ATXN7L2: variants seen among roughly 807,000 people sequenced by gnomAD.
The protein encoded by ATXN7L2 is ataxin 7 like 2, also known as ataxin-7-like protein 2.
In ATXN7L2, 17 loss-of-function variants were observed where a neutral mutation model predicts 59.6. That is an observed-to-expected ratio of 0.29 (90% CI 0.20 to 0.43). The LOEUF is 0.43. Ranked by LOEUF, ATXN7L2 falls within the 20% of genes least tolerant of loss-of-function variation. ATXN7L2 has a pLI of 1.00. For missense variants in ATXN7L2, 858 were observed against 1,008.9 expected, an observed-to-expected ratio of 0.85 and a Z score of 2.03; for synonymous variants, 378 against 392.5, an observed-to-expected ratio of 0.96 and a Z score of 0.44.
At chr1:109,492,744 C>A (rs192922168), downstream of ATXN7L2, 141 of 924,110 alleles carry the variant, frequency 1.5e-4, no homozygotes, top group Middle Eastern at 2.8e-3. Flanking sequence ...AGACTGTCTC[C>A]CTGTTCTGTT....
In ATXN7L2 at chr1:109,491,175, G is replaced by A; in HGVS notation, c.1708G>A (p.Ala570Thr). 6.2e-7 allele frequency: 1 copy of A among 1,613,848 alleles called. No individual in the cohort carries two copies. The highest frequency in any genetic ancestry group is 8.5e-7 in the Non-Finnish European group (1 of 1,179,978). ...CCAGGCTATCACCTCACCACTGCCT[G>A]CCAACACGCCATCCCCGTCCTTCAG... ...GSQAITSPLP[A>T]NTPSPSFSKL... Residue 570 changes from alanine (A) to threonine (T), a missense_variant, in exon 10 of 11, where the codon GCC becomes ACC. This residue lies in a region of ATXN7L2 where 734 missense variants were observed against 862.3 expected (regional missense o/e 0.85). Coordinates refer to ENST00000683729, the MANE Select transcript of ATXN7L2 (RefSeq NM_001350175.2). This position sits in a 1 kb window ranked among gnomAD's most constrained non-coding sequence, Gnocchi z 4.1.
At position 109,492,576 on chromosome 1, in the gene ATXN7L2, C is replaced by A; in HGVS notation, c.2251-10C>A. ...CCTGACCCTTTCTCTCGCCTCTTGT[C>A]TTCCTGCAGTCAAAAGCCCATTAAC... On this transcript the variant is annotated splice_polypyrimidine_tract_variant and intron_variant, in intron 10 of 10. Coordinates refer to ENST00000683729, the MANE Select transcript of ATXN7L2 (RefSeq NM_001350175.2). 9 of 1,613,936 alleles carry A rather than the reference C, an allele frequency of 5.6e-6. No individual in the cohort carries two copies. The highest frequency in any genetic ancestry group is 6.8e-6 in the Non-Finnish European group (8 of 1,179,972).
chr1:109,489,219 TG>T (rs1289884250), intron 7 of ATXN7L2, 119 bp downstream of exon 7: 3 of 1,348,050 alleles, frequency 2.2e-6, no homozygotes, highest in Non-Finnish European at 3.0e-6. Flanking sequence ...GCCCTGAGTG[TG>T]GGGGTATTCC....
Position 109,492,169 on chromosome 1 carries a change from C to T in ATXN7L2, c.2251-417C>T, listed in dbSNP as rs567702279. 23 of 989,274 alleles carry T rather than the reference C, an allele frequency of 2.3e-5. No individual in the cohort carries two copies. In the African/African-American group the frequency reaches 2.4e-4, roughly 10 times the overall value. 61.3% of individuals were successfully genotyped at this position (989,274 alleles called of 1,614,324 possible). Reference sequence around the variant, plus strand: ...AGGGCCTTGAAGGGCAGGCACACAACCCCATGTCCACTTATGCACATGTGC... The same window carrying T: ...AGGGCCTTGAAGGGCAGGCACACAATCCCATGTCCACTTATGCACATGTGC... On this transcript the variant is annotated intron_variant, in intron 10 of 10. Transcript: ENST00000683729.
At chr1:109,485,291 AGCT>A (rs1040071689) in intron 1 of ATXN7L2, 23 of 984,968 alleles carry the variant, frequency 2.3e-5, no homozygotes, top group Non-Finnish European at 2.8e-5. Flanking sequence ...ATGGGGAAAA[AGCT>A]GCTTTGCACA....
chr1:109,491,514 G>T lies in ATXN7L2; in HGVS notation c.2047G>T (p.Ala683Ser), dbSNP rs746106337. The T allele has an allele frequency of 3.1e-6, 5 of 1,613,972 alleles. No individual in the cohort carries two copies. The East Asian group carries it at 1.1e-4, about 36-fold the overall frequency. The change falls in exon 10 of 11, where the codon GCT becomes TCT. Residue 683 changes from alanine to serine, a missense_variant. Physicochemically the swap from Ala to Ser is moderately conservative, Grantham distance 99. This residue lies in a region of ATXN7L2 where 734 missense variants were observed against 862.3 expected (regional missense o/e 0.85). Transcript: ENST00000683729. The surrounding 1 kb of genome is among the most constrained non-coding windows in gnomAD (Gnocchi z 4.1). ...TTCTCAGCTGGAGAACCGGGGAGCA[G>T]CTGGACACCCAGCCAAGGCCCTGCC... ...KASQLENRGA[A>S]GHPAKALPTN...
Position 109,489,983 on chromosome 1 carries a change from A to G in ATXN7L2, c.1187A>G (p.Asp396Gly). Residue 396 changes from aspartate (D) to glycine (G), a missense_variant, in exon 8 of 11, where the codon GAT becomes GGT. By Grantham distance (94) the Asp-to-Gly change is moderately conservative. Coordinates refer to ENST00000683729, the MANE Select transcript of ATXN7L2 (RefSeq NM_001350175.2). ...GATGATGAAGGCCCCTGTGGTGGTGATGGGGACCCAGGCCTGTTCCCCTTC... is the reference window on the plus strand; with the variant it reads ...GATGATGAAGGCCCCTGTGGTGGTGGTGGGGACCCAGGCCTGTTCCCCTTC... ...ELDDEGPCGG[D>G]GDPGLFPFPM... 1 of 1,613,426 alleles carries G rather than the reference A, an allele frequency of 6.2e-7. No homozygotes were observed. Among genetic ancestry groups the G allele is most frequent in the African/African-American group, 1.3e-5 (1 of 74,846 alleles).
At chr1:109,487,365 G>A (rs1033301264) in intron 4 of ATXN7L2, 148 bp downstream of exon 4, 7 of 1,156,220 alleles carry the variant, frequency 6.1e-6, no homozygotes, top group South Asian at 1.8e-5. Context: ...TATATTCCAG[G>A]GAAGATGGGG....
intron 1 of ATXN7L2, chr1:109,485,505 C>T (rs1656519118): frequency 2.0e-6 from 2 of 985,354 alleles, no homozygotes; most frequent in Non-Finnish European, 2.4e-6. Context: ...TTTGACAATG[C>T]TATGGTAACC....
Position 109,487,502 on chromosome 1 carries a change from CT to C in ATXN7L2, c.510-15del, listed in dbSNP as rs1557869235. On this transcript the variant is annotated splice_polypyrimidine_tract_variant and intron_variant, in intron 4 of 10. Transcript: ENST00000683729. Reference sequence around the variant, plus strand: ...CCCCTCCCCTCCCTCAGCCAACCCCCTCTCTCTGTGTGTAGCCTTTTCGTGC... The same window carrying C: ...CCCCTCCCCTCCCTCAGCCAACCCCCCTCTCTGTGTGTAGCCTTTTCGTGC... 6.1e-6 allele frequency: 9 copies of C among 1,485,700 alleles called. No homozygotes were observed. In the East Asian group the frequency reaches 2.2e-4, roughly 36 times the overall value. 92.0% of individuals were successfully genotyped at this position (1,485,700 alleles called of 1,614,324 possible).
In ATXN7L2 at chr1:109,488,330, C is replaced by T; in HGVS notation, c.797-53C>T. The T allele has an allele frequency of 6.6e-7, 1 of 1,524,544 alleles. No individual in the cohort carries two copies. The highest frequency in any genetic ancestry group is 8.9e-7 in the Non-Finnish European group (1 of 1,117,822). The allele number at this position is 1,524,544 out of a possible 1,614,324, so 94.4% of individuals were successfully genotyped here. A position where few individuals can be genotyped will look rare whatever the true frequency, so the allele number is the denominator to read the frequency against. ...CTTGGCAGGAAGCGGCCAAATCCTC[C>T]TGTAAACTCCTGGAAATGGTCTTGA... On this transcript the variant is annotated intron_variant, in intron 5 of 10. Coordinates refer to ENST00000683729, the MANE Select transcript of ATXN7L2 (RefSeq NM_001350175.2). This position sits in a 1 kb window ranked among gnomAD's most constrained non-coding sequence, Gnocchi z 5.0.
At chr1:109,492,784 T>C (rs1414398372), downstream of ATXN7L2, 16 of 735,812 alleles carry the variant, frequency 2.2e-5, no homozygotes, top group Non-Finnish European at 3.2e-5. Context: ...AACAGAAACA[T>C]AGAAAAGGAA....
chr1:109,484,149 C>A, intron 1 of ATXN7L2, 69 bp downstream of exon 1: 1 of 1,298,446 alleles, frequency 7.7e-7, no homozygotes, highest in Non-Finnish European at 9.9e-7. Context: ...GGGCCCCCGC[C>A]AGCTGAGGGG....
intron 5 of ATXN7L2, among the ~76,000 whole-genome samples, 188 bp downstream of exon 5, chr1:109,487,992 T>G (rs1197265027): frequency 6.6e-6 from 1 of 152,180 alleles, no homozygotes; most frequent in East Asian, 1.9e-4. Context: ...CTGTGTCTCC[T>G]GATCAAGGCT....
At chr1:109,490,454 T>A in intron 9 of ATXN7L2, 62 bp downstream of exon 9, 1 of 1,581,846 alleles carries the variant, frequency 6.3e-7, no homozygotes, top group Non-Finnish European at 8.6e-7. Flanking sequence ...CCAGACATAC[T>A]TGGGCTTCAG....
At position 109,488,394 on chromosome 1, in the gene ATXN7L2, G is replaced by A. The variant is rs1262034063; in HGVS notation, c.808G>A (p.Asp270Asn). The change falls in exon 6 of 11, where the codon GAC becomes AAC. Residue 270 changes from aspartate (D) to asparagine (N), a missense_variant. Physicochemically the swap from Asp to Asn is conservative, Grantham distance 23. Coordinates refer to ENST00000683729, the MANE Select transcript of ATXN7L2 (RefSeq NM_001350175.2). The surrounding 1 kb of genome is among the most constrained non-coding windows in gnomAD (Gnocchi z 5.0). ...TGCTTTCCCCACAGGGAAGGAGTGC[G>A]ACCTCAACAGGCAGTGTGGGGTAAT... ...THRKMARKEC[D>N]LNRQCGVINP... 2 of 1,599,804 alleles carry A rather than the reference G, an allele frequency of 1.3e-6. No homozygotes were observed. Among genetic ancestry groups the A allele is most frequent in the Non-Finnish European group, 1.7e-6 (2 of 1,170,986 alleles).
In ATXN7L2 at chr1:109,488,808, C is replaced by T; in HGVS notation, c.880-39C>T. On this transcript the variant is annotated intron_variant, in intron 6 of 10. Coordinates refer to ENST00000683729, the MANE Select transcript of ATXN7L2 (RefSeq NM_001350175.2). The surrounding 1 kb of genome is among the most constrained non-coding windows in gnomAD (Gnocchi z 5.0). ...TGCCGTCCCTCACCCCTTCTCAGTT[C>T]ATACCTACTCCCCAGCTCTCCACTC... The T allele has an allele frequency of 6.3e-7, 1 of 1,595,894 alleles. No individual in the cohort carries two copies. The highest frequency in any genetic ancestry group is 1.3e-5 in the African/African-American group (1 of 74,610).
chr1:109,486,220 C>T lies in ATXN7L2; in HGVS notation c.193+98C>T, dbSNP rs1423753216. On this transcript the variant is annotated intron_variant, in intron 2 of 10. Transcript: ENST00000683729. This position sits in a 1 kb window ranked among gnomAD's most constrained non-coding sequence, Gnocchi z 4.3. ...AGAAGGAGGTGGCTGCTTGAAGCAG[C>T]TGTCTGGGGACCCTCATTTTGATAG... is the stretch of plus-strand genomic sequence containing the variant. The T allele has an allele frequency of 2.0e-6, 3 of 1,471,792 alleles. No homozygotes were observed. Among genetic ancestry groups the T allele is most frequent in the South Asian group, 2.9e-5 (2 of 68,896 alleles). The allele number at this position is 1,471,792 out of a possible 1,614,324, so 91.2% of individuals were successfully genotyped here.
At chr1:109,489,905 CT>C (rs780205589) in intron 7 of ATXN7L2, 24 bp from the exon 8 acceptor site, 1 of 1,612,188 alleles carries the variant, frequency 6.2e-7, no homozygotes, top group Non-Finnish European at 8.5e-7. Flanking sequence ...TCACATTCCC[CT>C]GGCATCCCTT....
Sources: gnomAD v4.1 joint callset for allele counts (sites outside exome capture counted in the v4.1 genomes callset) on GRCh38, gnomAD v4.1.1 for gene constraint, gnomAD v4.1.1 regional missense constraint, Gnocchi (gnomAD v3.1) non-coding constraint, MANE v1.5 for transcripts, NCBI Gene and HGNC (gene_info 2026-07-23, HGNC 2026-07-21) for gene names.